The following ITSN1 variants were observed in gnomAD, a reference collection of about 807,000 sequenced individuals.
ITSN1 encodes intersectin 1, also known as intersectin-1.
In ITSN1, 58 loss-of-function variants were observed where a neutral mutation model predicts 239.8. The ratio of observed to expected loss-of-function variants is 0.24; its 90% CI spans 0.20 to 0.30. ITSN1 has a LOEUF of 0.30. Among genes scored for constraint, ITSN1 ranks in the 10% least tolerant of loss-of-function variants. The pLI, the probability that ITSN1 is intolerant of heterozygous loss-of-function variation, is 1.00. For synonymous variants in ITSN1, 780 were observed against 770.8 expected (o/e 1.01, Z -0.20); for missense variants, 1,558 against 2,103.3 (o/e 0.74, Z 5.07).
intron 5 of ITSN1, among the ~76,000 whole-genome samples, chr21:33,748,023 T>A (rs930833840): frequency 3.3e-5 from 5 of 152,246 alleles, no homozygotes; most frequent in African/African-American, 1.2e-4. Flanking sequence ...TTATTGGGCT[T>A]ATAACATATT....
rs1986204177 is a variant in ITSN1 at position 33,889,429 on chromosome 21, TTCCACCC to T, written c.*1136_*1142del. The stretch of plus-strand genomic sequence containing the variant: ...CCCGGGGCAAAGACCTAAGACACTT[TTCCACCC>T]TCCACCACCCCAACCTCACATAATA... On this transcript the variant is annotated 3_prime_UTR_variant, in exon 40 of 40. Coordinates refer to ENST00000381318, the MANE Select transcript of ITSN1 (RefSeq NM_003024.3). 6.6e-6 allele frequency: 1 copy of T among 152,180 alleles called. No homozygotes were observed. Among genetic ancestry groups the T allele is most frequent in the Non-Finnish European group, 1.5e-5 (1 of 68,034 alleles). The allele number at this position is 152,180 out of a possible 1,614,324, so 9.4% of individuals were successfully genotyped here.
Position 33,643,206 on chromosome 21 carries a change from C to T in ITSN1, c.-33+493C>T, listed in dbSNP as rs564083572. Among the ~76,000 whole-genome samples, 307 of 151,918 alleles carry T rather than the reference C, an allele frequency of 2.0e-3. 1 individual carries two copies. Among genetic ancestry groups the T allele is most frequent in the African/African-American group, 7.1e-3 (294 of 41,518 alleles). On this transcript the variant is annotated intron_variant, in intron 1 of 39. Transcript: ENST00000381318. ...CTGGAGCCCCGGCTCCTTCCTCGGCCCCTCGCTCGCAAGCCTGCAGAATCC... is the reference window on the plus strand; with the variant it reads ...CTGGAGCCCCGGCTCCTTCCTCGGCTCCTCGCTCGCAAGCCTGCAGAATCC...
rs1391993150 is a variant in ITSN1 at position 33,893,836 on chromosome 21, T to C, written c.*5536T>C. On this transcript the variant is annotated 3_prime_UTR_variant, in exon 40 of 40. Transcript: ENST00000381318. Reference sequence around the variant, plus strand: ...GGATCAAGTAAGATACATAACCTTATATCTGTAGGAGCCAGAAAAAAAAAA... The same window carrying C: ...GGATCAAGTAAGATACATAACCTTACATCTGTAGGAGCCAGAAAAAAAAAA... 2 of 140,286 alleles carry C rather than the reference T, an allele frequency of 1.4e-5. No homozygotes were observed. The highest frequency in any genetic ancestry group is 3.1e-5 in the Non-Finnish European group (2 of 64,442). 8.7% of individuals were successfully genotyped at this position (140,286 alleles called of 1,614,324 possible). A position where few individuals can be genotyped will look rare whatever the true frequency, so the allele number is the denominator to read the frequency against.
intron 1 of ITSN1, among the ~76,000 whole-genome samples, chr21:33,683,956 A>G (rs943432041): frequency 2.0e-5 from 3 of 152,186 alleles, no homozygotes; most frequent in Non-Finnish European, 4.4e-5. Flanking sequence ...CGATGCCCCT[A>G]AGTAAAGCTA....
intron 31 of ITSN1, among the ~76,000 whole-genome samples, chr21:33,862,011 AAAAG>A (rs1980671000): frequency 6.7e-6 from 1 of 148,772 alleles, no homozygotes; most frequent in Non-Finnish European, 1.5e-5. Flanking sequence ...AAAAAAAAAA[AAAAG>A]AGCTGTGCGT....
intron 4 of ITSN1, among the ~76,000 whole-genome samples, chr21:33,733,275 A>G (rs1273581982): frequency 6.6e-6 from 1 of 152,190 alleles, no homozygotes; most frequent in African/African-American, 2.4e-5. Context: ...ATAAAAATGT[A>G]TATTAGTTCA....
Position 33,775,056 on chromosome 21 carries a change from A to G in ITSN1, c.1544A>G (p.Lys515Arg). 6.2e-7 allele frequency: 1 copy of G among 1,614,154 alleles called. No individual in the cohort carries two copies. Among genetic ancestry groups the G allele is most frequent in the Non-Finnish European group, 8.5e-7 (1 of 1,180,008 alleles). The change falls in exon 14 of 40, where the codon AAA becomes AGA. Residue 515 changes from lysine to arginine, a missense_variant. Coordinates refer to ENST00000381318, the MANE Select transcript of ITSN1 (RefSeq NM_003024.3). ...AGGCAAGAAATTGAGAGCACAAACA[A>G]ATCTAGAGAGTTGAGAATTGCCGAA... ...TQRQEIESTN[K>R]SRELRIAEIT...
At chr21:33,647,227 T>C (rs1202310193) in intron 1 of ITSN1, among the ~76,000 whole-genome samples, 1 of 152,172 alleles carries the variant, frequency 6.6e-6, no homozygotes, top group Non-Finnish European at 1.5e-5. Flanking sequence ...AAAATTGAAA[T>C]ACAGAAAAGT....
intron 4 of ITSN1, among the ~76,000 whole-genome samples, chr21:33,724,886 C>G (rs1342532754): frequency 6.6e-6 from 1 of 152,060 alleles, no homozygotes; most frequent in African/African-American, 2.4e-5. Flanking sequence ...AACTCCTGGA[C>G]TCAGGCCATC....
rs769956913 is a variant in ITSN1 at position 33,657,112 on chromosome 21, T to TTC, written c.-33+14401_-33+14402dup. ...TATTGCATGATGCTGAGGTTTGGGC[T>TTC]TCTAATGAACCAGTTGCCCAAGTAG... On this transcript the variant is annotated intron_variant, in intron 1 of 39. Transcript: ENST00000381318. Among the ~76,000 whole-genome samples the TTC allele has an allele frequency of 1.1e-3, 174 of 152,304 alleles. 11 individuals carry two copies. Among genetic ancestry groups the TTC allele is most frequent in the Non-Finnish European group, 2.6e-4 (18 of 68,022 alleles).
At chr21:33,810,290 A>T (rs775010650) in intron 20 of ITSN1, among the ~76,000 whole-genome samples, 1 of 152,230 alleles carries the variant, frequency 6.6e-6, no homozygotes, top group Non-Finnish European at 1.5e-5. Context: ...TTTAAACAGT[A>T]TAATCCTGGA....
intron 33 of ITSN1, among the ~76,000 whole-genome samples, chr21:33,869,526 T>C (rs1338677499): frequency 6.6e-6 from 1 of 152,206 alleles, no homozygotes; most frequent in Non-Finnish European, 1.5e-5. Flanking sequence ...TGTCAGACAC[T>C]GTGTGTTGAT....
At chr21:33,868,714 G>A (rs983921342) in intron 33 of ITSN1, among the ~76,000 whole-genome samples, 1 of 152,216 alleles carries the variant, frequency 6.6e-6, no homozygotes, top group African/African-American at 2.4e-5. Flanking sequence ...ACACCTCCCT[G>A]CAAGCTGAGG....
In ITSN1 at chr21:33,807,911, C is replaced by T. The variant is rs190410044; in HGVS notation, c.2320-3064C>T. ...AGTCAAGACCAGGCTTTTGGCCGGG[C>T]GCGGTGGCTCACGCCTGTAATCCCA... On this transcript the variant is annotated intron_variant, in intron 20 of 39. Transcript: ENST00000381318. Among the ~76,000 whole-genome samples the T allele has an allele frequency of 3.1e-3, 479 of 152,164 alleles. 3 individuals carry two copies. Among genetic ancestry groups the T allele is most frequent in the African/African-American group, 0.011 (465 of 41,530 alleles).
At position 33,691,798 on chromosome 21, in the gene ITSN1, G is replaced by A. The variant is rs145066895; in HGVS notation, c.-32-26999G>A. Reference sequence around the variant, plus strand: ...CAGAAGGAGAGATCATCTCTCTGATGTCTGTTCTTATAAGGGTACCAATCC... The same window carrying A: ...CAGAAGGAGAGATCATCTCTCTGATATCTGTTCTTATAAGGGTACCAATCC... On this transcript the variant is annotated intron_variant, in intron 1 of 39. Coordinates refer to ENST00000381318, the MANE Select transcript of ITSN1 (RefSeq NM_003024.3). Among the ~76,000 whole-genome samples the A allele has an allele frequency of 2.3e-3, 343 of 152,320 alleles. 1 individual carries two copies. The highest frequency in any genetic ancestry group is 8.0e-3 in the African/African-American group (332 of 41,568).
At chr21:33,693,177 T>C (rs960075919) in intron 1 of ITSN1, among the ~76,000 whole-genome samples, 16 of 152,200 alleles carry the variant, frequency 1.1e-4, no homozygotes, top group African/African-American at 3.9e-4. Context: ...TTCTAAATGG[T>C]AATACATGAA....
Position 33,886,346 on chromosome 21 carries a change from A to G in ITSN1, c.4903A>G (p.Ile1635Val). The G allele has an allele frequency of 6.2e-7, 1 of 1,614,064 alleles. No individual in the cohort carries two copies. The highest frequency in any genetic ancestry group is 8.5e-7 in the Non-Finnish European group (1 of 1,179,994). The change falls in exon 39 of 40, where the codon ATC (isoleucine) becomes GTC (valine). Residue 1635 changes from isoleucine to valine, a missense_variant. Transcript: ENST00000381318. The stretch of plus-strand genomic sequence containing the variant: ...TTCCCAGTGCCACATCACCAAGACG[A>G]TCCAGGACACTCTGAACCCCAAGTG... The part of the protein sequence containing the change: ...MGSQCHITKT[I>V]QDTLNPKWNS...
intron 31 of ITSN1, among the ~76,000 whole-genome samples, chr21:33,860,010 G>A (rs534128247): frequency 1.3e-5 from 2 of 152,250 alleles, no homozygotes; most frequent in South Asian, 4.1e-4. Context: ...CAGTGTTCTC[G>A]TCTACATAGA....
chr21:33,677,675 G>A (rs949736061), intron 1 of ITSN1, among the ~76,000 whole-genome samples: 1 of 152,026 alleles, frequency 6.6e-6, no homozygotes, highest in Non-Finnish European at 1.5e-5. Flanking sequence ...CCACCCTAAT[G>A]CGCACACCCC....
Sources: allele counts gnomAD v4.1 joint callset (sites outside exome capture counted in the v4.1 genomes callset), GRCh38; gene constraint gnomAD v4.1.1; transcripts MANE v1.5; gene names NCBI Gene and HGNC (gene_info 2026-07-23, HGNC 2026-07-21).